Variants in TRPM3 observed in about 807,000 individuals in gnomAD.
TRPM3 encodes long transient receptor potential channel 3.
In TRPM3, 77 loss-of-function variants were observed where a neutral mutation model predicts 181.2. That is an observed-to-expected ratio of 0.42 (90% CI 0.35 to 0.51). The LOEUF is 0.51. Ranked by LOEUF, TRPM3 falls within the 20% of genes least tolerant of loss-of-function variation. The pLI is 0.01. For missense variants in TRPM3, 1,759 were observed against 2,196.7 expected (o/e 0.80, Z 3.98); for synonymous variants, 745 against 796.4 (o/e 0.94, Z 1.09).
chr9:70,789,549 T>C (rs112293148), intron 6 of TRPM3, among the ~76,000 whole-genome samples: 11 of 152,342 alleles, frequency 7.2e-5, no homozygotes, highest in African/African-American at 2.6e-4. Flanking sequence ...CCTTAGTTGA[T>C]TGCAGTCATT....
chr9:71,416,248 C>G (rs750056178), intron 1 of TRPM3, among the ~76,000 whole-genome samples: 1 of 151,666 alleles, frequency 6.6e-6, no homozygotes, highest in Non-Finnish European at 1.5e-5. Context: ...TTAATCAATA[C>G]GTTAGTATGT....
chr9:70,905,219 T>C (rs186891661), intron 1 of TRPM3, among the ~76,000 whole-genome samples: 60 of 152,326 alleles, frequency 3.9e-4, no homozygotes, highest in Admixed American at 1.3e-3. Context: ...GCTTTAAAAG[T>C]TTCTGAAGTT....
At chr9:71,281,969 GA>G (rs1487250207) in intron 1 of TRPM3, among the ~76,000 whole-genome samples, 4 of 152,182 alleles carry the variant, frequency 2.6e-5, no homozygotes, top group African/African-American at 9.6e-5. Flanking sequence ...GCTGAGGCAG[GA>G]GAATCACTTG....
chr9:70,912,101 C>G (rs1286017725), intron 1 of TRPM3, among the ~76,000 whole-genome samples: 1 of 152,102 alleles, frequency 6.6e-6, no homozygotes, highest in Non-Finnish European at 1.5e-5. Context: ...TCATGAGTGT[C>G]TCAATCTGTG....
chr9:70,837,495 T>C (rs905002853), intron 5 of TRPM3, among the ~76,000 whole-genome samples: 2 of 152,214 alleles, frequency 1.3e-5, no homozygotes, highest in African/African-American at 4.8e-5. Flanking sequence ...CAAGTTAAAA[T>C]GGAAAGTGCT....
At chr9:71,105,701 A>C (rs907153777) in intron 1 of TRPM3, among the ~76,000 whole-genome samples, 1 of 152,178 alleles carries the variant, frequency 6.6e-6, no homozygotes, top group African/African-American at 2.4e-5. Context: ...AAACCTTGCT[A>C]TCTCTAAGAA....
chr9:71,192,215 G>A (rs528571468), intron 1 of TRPM3, among the ~76,000 whole-genome samples: 3 of 151,722 alleles, frequency 2.0e-5, no homozygotes, highest in Non-Finnish European at 2.9e-5. Flanking sequence ...CTTTTGAAGA[G>A]GGGAGATTTG....
At chr9:71,121,882 T>A (rs1442601442), upstream of TRPM3, among the ~76,000 whole-genome samples, 2 of 152,184 alleles carry the variant, frequency 1.3e-5, no homozygotes, top group East Asian at 3.9e-4. Flanking sequence ...CCCTTTTGAT[T>A]TATGTGACAT....
chr9:71,341,481 C>T (rs2090956105), intron 1 of TRPM3, among the ~76,000 whole-genome samples: 1 of 152,002 alleles, frequency 6.6e-6, no homozygotes, highest in Admixed American at 6.6e-5. Flanking sequence ...AACCTATTCA[C>T]TGGAAAACTA....
intron 22 of TRPM3, among the ~76,000 whole-genome samples, chr9:70,581,427 G>C (rs138190608): frequency 6.6e-6 from 1 of 152,366 alleles, no homozygotes; most frequent in Non-Finnish European, 1.5e-5. Context: ...CGCTCCACTG[G>C]ACAGTATCTT....
chr9:71,393,059 C>T (rs2093101202), intron 1 of TRPM3, among the ~76,000 whole-genome samples: 1 of 151,960 alleles, frequency 6.6e-6, no homozygotes, highest in South Asian at 2.1e-4. Flanking sequence ...GACTGGATAC[C>T]GTGTTTCTAA....
intron 1 of TRPM3, among the ~76,000 whole-genome samples, chr9:71,117,607 T>C (rs2072699792): frequency 6.6e-6 from 1 of 152,112 alleles, no homozygotes; most frequent in Non-Finnish European, 1.5e-5. Flanking sequence ...ATTAAGTAAT[T>C]TGCCCAAGGT....
intron 6 of TRPM3, among the ~76,000 whole-genome samples, chr9:70,788,993 A>C (rs2084640786): frequency 6.6e-6 from 1 of 152,166 alleles, no homozygotes; most frequent in South Asian, 2.1e-4. Flanking sequence ...GACCGGTACC[A>C]GTCTGTGGAC....
intron 1 of TRPM3, among the ~76,000 whole-genome samples, chr9:71,194,515 G>T (rs532215588): frequency 6.6e-6 from 1 of 151,980 alleles, no homozygotes; most frequent in Non-Finnish European, 1.5e-5. Context: ...CCCAAAGTGA[G>T]CTTGGGCATC....
chr9:70,872,151 A>G (rs865817125), intron 1 of TRPM3, among the ~76,000 whole-genome samples: 5 of 151,992 alleles, frequency 3.3e-5, no homozygotes, highest in Non-Finnish European at 1.5e-5. Context: ...TTTGAGGGCG[A>G]TACAGTCTCT....
At position 71,337,858 on chromosome 9, in the gene TRPM3, C is replaced by G. The variant is rs182301687; in HGVS notation, c.183+108795G>C. On this transcript the variant is annotated intron_variant, in intron 1 of 24. Transcript: ENST00000357533. ...CAGAAAACCAAACACCACGTGTTCT[C>G]ACTCATAAGTGGGAGTTGAACAATG... is the stretch of plus-strand genomic sequence containing the variant. Among the ~76,000 whole-genome samples the G allele has an allele frequency of 1.8e-3, 270 of 152,266 alleles. 3 individuals carry two copies. Among genetic ancestry groups the G allele is most frequent in the Admixed American group, 0.013 (204 of 15,294 alleles).
chr9:70,819,791 C>T (rs542224076), intron 6 of TRPM3, among the ~76,000 whole-genome samples: 100 of 152,216 alleles, frequency 6.6e-4, no homozygotes, highest in Admixed American at 2.0e-3. Flanking sequence ...ATTTCCTATA[C>T]CCAAGGTTGA....
At chr9:71,112,273 CT>C (rs2071280647) in intron 1 of TRPM3, among the ~76,000 whole-genome samples, 1 of 152,008 alleles carries the variant, frequency 6.6e-6, no homozygotes, top group African/African-American at 2.4e-5. Context: ...TAAGAAATAC[CT>C]TTTCTCCAAC....
At chr9:71,286,036 A>G (rs1169579812) in intron 1 of TRPM3, among the ~76,000 whole-genome samples, 2 of 152,170 alleles carry the variant, frequency 1.3e-5, no homozygotes, top group Non-Finnish European at 2.9e-5. Flanking sequence ...CAGGGAAAGA[A>G]AAAAGTGATT....
Sources: allele counts gnomAD v4.1 joint callset (sites outside exome capture counted in the v4.1 genomes callset), GRCh38; gene constraint gnomAD v4.1.1; transcripts MANE v1.5; gene names NCBI Gene and HGNC (gene_info 2026-07-23, HGNC 2026-07-21).